SYNE2: variants seen among roughly 807,000 people sequenced by gnomAD.
SYNE2 encodes spectrin repeat containing nuclear envelope protein 2, also known as nesprin-2.
A neutral mutation model predicts 856.3 loss-of-function variants in SYNE2; 431 were observed. The ratio of observed to expected loss-of-function variants is 0.50; its 90% CI spans 0.47 to 0.55. The LOEUF (loss-of-function observed/expected upper bound fraction) is 0.55, where lower values mean the gene tolerates loss of function less well. Among genes scored for constraint, SYNE2 ranks in the 20% least tolerant of loss-of-function variants. The probability of loss-of-function intolerance (pLI) is 0.00; values close to 1 mark genes in which losing one functional copy is unlikely to be tolerated. For missense variants in SYNE2, 8,129 were observed against 8,023.2 expected (o/e 1.01, Z -0.50); for synonymous variants, 2,923 against 2,872.3 (o/e 1.02, Z -0.56).
At chr14:64,099,639 C>G (rs886300012) in intron 63 of SYNE2, 1 of 152,004 alleles carries the variant, frequency 6.6e-6, no homozygotes, top group Non-Finnish European at 1.5e-5. Context: ...GACTTCAGTA[C>G]GATGTTAATT....
chr14:64,010,838 C>T (rs1311947719), intron 32 of SYNE2, among the ~76,000 whole-genome samples: 3 of 152,148 alleles, frequency 2.0e-5, no homozygotes, highest in African/African-American at 4.8e-5. Flanking sequence ...AGGGTTTCGC[C>T]GTGTTGGCCA....
intron 1 of SYNE2, among the ~76,000 whole-genome samples, chr14:63,814,916 A>G (rs904173369): frequency 7.5e-6 from 1 of 133,562 alleles, no homozygotes; most frequent in African/African-American, 2.7e-5. Flanking sequence ...ATATATCCAT[A>G]TATCTATCCA....
At chr14:63,864,425 G>A (rs939911127) in intron 1 of SYNE2, 1 of 152,162 alleles carries the variant, frequency 6.6e-6, no homozygotes, top group African/African-American at 2.4e-5. Context: ...TTGATGATTT[G>A]GTTACAAAGA....
intron 6 of SYNE2, among the ~76,000 whole-genome samples, chr14:63,948,782 G>GTTTATA (rs1454688156): frequency 2.3e-5 from 1 of 43,906 alleles, no homozygotes; most frequent in Admixed American, 2.8e-4. Context: ...ATGTGTGTGT[G>GTTTATA]TATATATATA....
chr14:64,130,060 AGTATGTGGG>A lies in SYNE2; in HGVS notation c.14154_14162del (p.Ser4718_Gly4721delinsArg). 6.2e-7 allele frequency: 1 copy of A among 1,613,874 alleles called. No homozygotes were observed. Among genetic ancestry groups the A allele is most frequent in the Non-Finnish European group, 8.5e-7 (1 of 1,180,024 alleles). ...CTTCTCTTTTCAGGATGTACTTGAC[AGTATGTGGG>A]GAATGCTAAGAGCCAGGTACACAGA... is the stretch of plus-strand genomic sequence containing the variant. On this transcript the variant is annotated inframe_deletion, in exon 76 of 116. Transcript: ENST00000555002.
At chr14:64,151,393 AC>A (rs2098240515) in intron 84 of SYNE2, among the ~76,000 whole-genome samples, 1 of 141,704 alleles carries the variant, frequency 7.1e-6, no homozygotes, top group Non-Finnish European at 1.5e-5. Flanking sequence ...TTCCTTATGG[AC>A]CATGCAGTGA....
intron 54 of SYNE2, among the ~76,000 whole-genome samples, chr14:64,077,504 G>A (rs1043704755): frequency 1.3e-5 from 2 of 152,064 alleles, no homozygotes; most frequent in Admixed American, 1.3e-4. Context: ...GGACTTGGGC[G>A]CTTCTTGGGA....
In SYNE2 at chr14:64,202,841, T is replaced by C. The variant is rs1216431398; in HGVS notation, c.18079T>C (p.Leu6027=). 8 of 1,614,176 alleles carry C rather than the reference T, an allele frequency of 5.0e-6. No individual in the cohort carries two copies. The highest frequency in any genetic ancestry group is 2.2e-5 in the South Asian group (2 of 91,070). Residue 6027 remains leucine, a synonymous_variant, in exon 100 of 116, where the codon TTG becomes CTG. Transcript: ENST00000555002. ...GGAGACCTTTGCTTTTATTCAGCAG[T>C]TGGACAAAAACATGAGCAACCTTCG... ...LKETFAFIQQ[L]DKNMSNLRTW...
intron 81 of SYNE2, 71 bp from the exon 82 acceptor site, chr14:64,141,871 C>T (rs2098141795): frequency 7.0e-7 from 1 of 1,424,132 alleles, no homozygotes; most frequent in East Asian, 3.0e-5. Flanking sequence ...AACCAGATAT[C>T]ATCTTTAGTG....
chr14:63,844,778 C>G (rs2139939388), intron 1 of SYNE2, among the ~76,000 whole-genome samples: 1 of 152,218 alleles, frequency 6.6e-6, no homozygotes, highest in South Asian at 2.1e-4. Context: ...GGTGTGGTGG[C>G]TCATGCTTGT....
At chr14:64,160,284 G>T (rs1258457954) in intron 87 of SYNE2, among the ~76,000 whole-genome samples, 1 of 152,198 alleles carries the variant, frequency 6.6e-6, no homozygotes, top group Non-Finnish European at 1.5e-5. Context: ...AAGGAACTCA[G>T]TTGTTACGCT....
intron 14 of SYNE2, 59 bp downstream of exon 14, chr14:63,979,073 A>C: frequency 6.4e-7 from 1 of 1,568,662 alleles, no homozygotes; most frequent in Non-Finnish European, 8.8e-7. Flanking sequence ...CTGTGTTTGC[A>C]TTTTTCCTTG....
intron 1 of SYNE2, among the ~76,000 whole-genome samples, chr14:63,793,531 C>G (rs1396780898): frequency 8.0e-6 from 1 of 125,366 alleles, no homozygotes; most frequent in African/African-American, 2.8e-5. Flanking sequence ...AAGCAACATG[C>G]TAAACGTGAA....
intron 1 of SYNE2, among the ~76,000 whole-genome samples, chr14:63,778,509 T>C (rs1348247320): frequency 6.6e-6 from 1 of 152,076 alleles, no homozygotes; most frequent in African/African-American, 2.4e-5. Context: ...ATTTTATTTA[T>C]TTATTATTCT....
intron 101 of SYNE2, 61 bp downstream of exon 101, chr14:64,209,006 T>C: frequency 6.4e-7 from 1 of 1,568,120 alleles, no homozygotes; most frequent in Non-Finnish European, 8.7e-7. Context: ...TACACCCTTC[T>C]GACCTCATTC....
At chr14:63,989,754 A>T (rs994693178) in intron 19 of SYNE2, among the ~76,000 whole-genome samples, 1 of 152,124 alleles carries the variant, frequency 6.6e-6, no homozygotes, top group African/African-American at 2.4e-5. Flanking sequence ...GGGTTCAAGC[A>T]GTTCTCCTGC....
intron 1 of SYNE2, among the ~76,000 whole-genome samples, chr14:63,888,388 C>T (rs1382925236): frequency 6.6e-6 from 1 of 152,146 alleles, no homozygotes; most frequent in African/African-American, 2.4e-5. Flanking sequence ...CTGCTTCTCT[C>T]ACCATGAGCT....
At chr14:64,074,927 A>G (rs551515151) in intron 53 of SYNE2, among the ~76,000 whole-genome samples, 2 of 151,902 alleles carry the variant, frequency 1.3e-5, no homozygotes, top group African/African-American at 4.8e-5. Flanking sequence ...TTTGGTTATT[A>G]TATTGGAAAG....
chr14:64,107,172 A>T (rs375896166), intron 64 of SYNE2, among the ~76,000 whole-genome samples: 1 of 152,198 alleles, frequency 6.6e-6, no homozygotes, highest in African/African-American at 2.4e-5. Flanking sequence ...TTAAATTTTC[A>T]TAAGGACATA....
Sources: gnomAD v4.1 joint callset for allele counts (sites outside exome capture counted in the v4.1 genomes callset) on GRCh38, gnomAD v4.1.1 for gene constraint, MANE v1.5 for transcripts, NCBI Gene and HGNC (gene_info 2026-07-23, HGNC 2026-07-21) for gene names.